ST18: variants seen among roughly 807,000 people sequenced by gnomAD.
The protein encoded by ST18 is suppression of tumorigenicity 18 protein.
In ST18, 50 loss-of-function variants were observed where a neutral mutation model predicts 110.0. The ratio of observed to expected loss-of-function variants is 0.45; its 90% CI spans 0.36 to 0.58. The LOEUF (loss-of-function observed/expected upper bound fraction) is 0.58. Among genes scored for constraint, ST18 ranks in the 20% least tolerant of loss-of-function variants. The probability of loss-of-function intolerance (pLI) is 0.00; values close to 1 mark genes in which losing one functional copy is unlikely to be tolerated. For synonymous variants in ST18, 461 were observed against 452.4 expected (o/e 1.02, Z -0.24); for missense variants, 1,306 against 1,280.1 (o/e 1.02, Z -0.31).
intron 2 of ST18, among the ~76,000 whole-genome samples, chr8:52,362,680 T>C (rs1826206024): frequency 6.6e-6 from 1 of 152,228 alleles, no homozygotes; most frequent in Admixed American, 6.5e-5. Flanking sequence ...TTCTGATGCA[T>C]TGCTGAGGAC....
At chr8:52,194,042 T>C (rs989663578) in intron 8 of ST18, among the ~76,000 whole-genome samples, 6 of 138,814 alleles carry the variant, frequency 4.3e-5, no homozygotes, top group African/African-American at 2.0e-4. Flanking sequence ...AAGGGGAGAA[T>C]TTTTTTTCCC....
chr8:52,370,109 T>C, intron 2 of ST18, among the ~76,000 whole-genome samples: 1 of 152,180 alleles, frequency 6.6e-6, no homozygotes, highest in East Asian at 1.9e-4. Context: ...ACATTGTAAA[T>C]AAAACCCCAA....
chr8:52,182,245 G>A (rs1427790908), intron 8 of ST18, among the ~76,000 whole-genome samples: 3 of 152,080 alleles, frequency 2.0e-5, no homozygotes, highest in African/African-American at 7.3e-5. Flanking sequence ...TCAGGATCCC[G>A]ATTTCAATTC....
intron 2 of ST18, among the ~76,000 whole-genome samples, chr8:52,273,464 T>C (rs981120511): frequency 4.6e-5 from 7 of 152,114 alleles, no homozygotes; most frequent in African/African-American, 1.7e-4. Context: ...GCATAATGAG[T>C]TGCATTTCTA....
At chr8:52,191,356 A>T (rs528622380) in intron 8 of ST18, among the ~76,000 whole-genome samples, 1 of 152,290 alleles carries the variant, frequency 6.6e-6, no homozygotes, top group African/African-American at 2.4e-5. Context: ...GTCAGAGCCA[A>T]CCATCATGAA....
chr8:52,138,549 A>C (rs1435737016), intron 17 of ST18, among the ~76,000 whole-genome samples: 2 of 152,224 alleles, frequency 1.3e-5, no homozygotes, highest in Non-Finnish European at 2.9e-5. Context: ...GTGCTACTGC[A>C]CTCCAGCCTT....
chr8:52,252,255 A>C (rs567258652), intron 2 of ST18, among the ~76,000 whole-genome samples: 1 of 152,060 alleles, frequency 6.6e-6, no homozygotes, highest in Non-Finnish European at 1.5e-5. Context: ...AAGATTGTTA[A>C]TTATCTGCAA....
At chr8:52,220,172 C>A (rs529332568) in intron 5 of ST18, among the ~76,000 whole-genome samples, 56 of 152,214 alleles carry the variant, frequency 3.7e-4, no homozygotes, top group African/African-American at 1.3e-3. Flanking sequence ...ACTAAAAGGG[C>A]CTTTACAATT....
chr8:52,332,413 A>G (rs1809941492), intron 2 of ST18, among the ~76,000 whole-genome samples: 1 of 152,160 alleles, frequency 6.6e-6, no homozygotes, highest in Admixed American at 6.5e-5. Flanking sequence ...ATTCAAGAGA[A>G]GAGAATTCTC....
intron 2 of ST18, among the ~76,000 whole-genome samples, chr8:52,328,835 C>T (rs142024098): frequency 0.01 from 1,569 of 152,224 alleles, 25 homozygotes; most frequent in African/African-American, 0.036. Flanking sequence ...GTGTGCCAGG[C>T]CCACTGCTGA....
intron 8 of ST18, among the ~76,000 whole-genome samples, chr8:52,183,119 G>A (rs1235504257): frequency 6.6e-6 from 1 of 152,152 alleles, no homozygotes; most frequent in East Asian, 1.9e-4. Context: ...ACTACATAAG[G>A]ACATAGATGT....
At chr8:52,176,619 C>G (rs2067064363) in intron 9 of ST18, among the ~76,000 whole-genome samples, 1 of 152,182 alleles carries the variant, frequency 6.6e-6, no homozygotes. Context: ...GTAAATGTTT[C>G]TGCCTGATAC....
At chr8:52,208,317 A>G (rs1564069991) in intron 8 of ST18, among the ~76,000 whole-genome samples, 1 of 152,240 alleles carries the variant, frequency 6.6e-6, no homozygotes, top group Non-Finnish European at 1.5e-5. Context: ...ACTGGGGAAA[A>G]CATGCCACAT....
At chr8:52,222,607 G>C (rs1224289942) in intron 3 of ST18, among the ~76,000 whole-genome samples, 5 of 152,132 alleles carry the variant, frequency 3.3e-5, no homozygotes, top group Non-Finnish European at 5.9e-5. Context: ...AAATGGGAAC[G>C]AGGAGCCCTG....
Position 52,179,972 on chromosome 8 carries a change from T to C in ST18, c.277+150A>G, listed in dbSNP as rs1256304554. ...AAAAACTGGGTCCTCAATAAATGAA[T>C]GTCAAGTAAAATAAATGTTTCATTT... On this transcript the variant is annotated intron_variant, in intron 9 of 25. Coordinates refer to ENST00000689386, the MANE Select transcript of ST18 (RefSeq NM_001352837.2). 3 of 862,914 alleles carry C rather than the reference T, an allele frequency of 3.5e-6. No homozygotes were observed. In the Admixed American group the frequency reaches 7.7e-5, roughly 22 times the overall value. 53.5% of individuals were successfully genotyped at this position (862,914 alleles called of 1,614,324 possible).
At position 52,194,741 on chromosome 8, in the gene ST18, C is replaced by T. The variant is rs76806110; in HGVS notation, c.87-14429G>A. ...AGTCAAAGAAGAGACAAGAAGTAAG[C>T]CAGCAGAAGCCGGTGAGCCAAGTAA... On this transcript the variant is annotated intron_variant, in intron 8 of 25. Transcript: ENST00000689386. The T allele has an allele frequency of 4.9e-3, 747 of 152,328 alleles. 5 individuals carry two copies. The highest frequency in any genetic ancestry group is 0.024 in the Middle Eastern group (7 of 294). The allele number at this position is 152,328 out of a possible 1,614,324, so 9.4% of individuals were successfully genotyped here. A position where few individuals can be genotyped will look rare whatever the true frequency, so the allele number is the denominator to read the frequency against.
At chr8:52,275,265 A>G (rs576663818) in intron 2 of ST18, among the ~76,000 whole-genome samples, 1 of 152,338 alleles carries the variant, frequency 6.6e-6, no homozygotes, top group East Asian at 1.9e-4. Flanking sequence ...AAAACTTGTG[A>G]CCTTGTGAAT....
chr8:52,215,296 T>G (rs2083742498), intron 6 of ST18, among the ~76,000 whole-genome samples: 1 of 152,126 alleles, frequency 6.6e-6, no homozygotes, highest in East Asian at 1.9e-4. Flanking sequence ...AATAAACCTT[T>G]TATGTGCCAC....
chr8:52,130,572 G>A (rs1321339162), intron 22 of ST18, among the ~76,000 whole-genome samples: 1 of 152,224 alleles, frequency 6.6e-6, no homozygotes, highest in South Asian at 2.1e-4. Context: ...CATATGCAGA[G>A]ATCCTCCGGG....
Sources: gnomAD v4.1 joint callset for allele counts (sites outside exome capture counted in the v4.1 genomes callset) on GRCh38, gnomAD v4.1.1 for gene constraint, MANE v1.5 for transcripts, NCBI Gene and HGNC (gene_info 2026-07-23, HGNC 2026-07-21) for gene names.